The following HNRNPR variants were observed in gnomAD, a reference collection of about 807,000 sequenced individuals.
HNRNPR encodes the protein heterogeneous nuclear ribonucleoprotein R.
HNRNPR carries 4 observed loss-of-function variants against 70.3 expected under a neutral mutation model. That is an observed-to-expected ratio of 0.06 (90% CI 0.03 to 0.13). The LOEUF is 0.13. Ranked by LOEUF, HNRNPR falls within the 10% of genes least tolerant of loss-of-function variation. HNRNPR has a pLI of 1.00. For synonymous variants in HNRNPR, 241 were observed against 267.6 expected (o/e 0.90, Z 0.97); for missense variants, 423 against 788.5 (o/e 0.54, Z 5.55).
intron 2 of HNRNPR, among the ~76,000 whole-genome samples, chr1:23,339,428 T>C (rs1439780825): frequency 6.6e-6 from 1 of 152,236 alleles, no homozygotes; most frequent in African/African-American, 2.4e-5. Context: ...ATTTCATATA[T>C]GTAAGTATAT....
intron 1 of HNRNPR, among the ~76,000 whole-genome samples, chr1:23,342,753 C>T (rs686717): frequency 0.06 from 9,085 of 152,166 alleles, 893 homozygotes; most frequent in African/African-American, 0.21. Flanking sequence ...GGAATACTAT[C>T]AGTCACAGAA....
chr1:23,332,263 TACTC>T (rs1166504339), intron 5 of HNRNPR, among the ~76,000 whole-genome samples: 1 of 152,202 alleles, frequency 6.6e-6, no homozygotes, highest in Non-Finnish European at 1.5e-5. Flanking sequence ...TGGACTAACA[TACTC>T]AATCTTTTAT....
chr1:23,332,485 C>A (rs1342882250), intron 5 of HNRNPR, among the ~76,000 whole-genome samples: 4 of 149,684 alleles, frequency 2.7e-5, no homozygotes, highest in African/African-American at 9.8e-5. Flanking sequence ...GGTGGATCAC[C>A]TGAGGTCATG....
At chr1:23,315,875 A>C (rs932857640) in intron 8 of HNRNPR, among the ~76,000 whole-genome samples, 3 of 152,182 alleles carry the variant, frequency 2.0e-5, no homozygotes, top group Admixed American at 2.0e-4. Context: ...TCCAGCCTCT[A>C]TGTTACACAG....
intron 5 of HNRNPR, among the ~76,000 whole-genome samples, chr1:23,331,405 T>TAAAA (rs59528152): frequency 7.9e-6 from 1 of 127,238 alleles, no homozygotes; most frequent in Non-Finnish European, 1.6e-5. Context: ...CACAAAAAAT[T>TAAAA]AAAAAAAAAA....
chr1:23,328,560 C>T (rs1193418953), intron 5 of HNRNPR, among the ~76,000 whole-genome samples: 1 of 152,154 alleles, frequency 6.6e-6, no homozygotes, highest in Non-Finnish European at 1.5e-5. Flanking sequence ...AGTGCAGTGG[C>T]GCCATCTCGG....
Position 23,311,004 on chromosome 1 carries a change from C to T in HNRNPR, c.1352G>A (p.Arg451His), listed in dbSNP as rs773384635. Residue 451 changes from arginine (R) to histidine (H), a missense_variant, in exon 11 of 11, where the codon CGT becomes CAT. By Grantham distance (29) the Arg-to-His change is conservative (BLOSUM62 0). This residue lies in a region of HNRNPR where 169 missense variants were observed against 195.6 expected (regional missense o/e 0.86). Transcript: ENST00000302271. ...RMPPPIRGRG[R>H]GGGRGGYGYP... ...GCCATATCCACCTCTCCCCCCACCA[C>T]GACCCCGACCTCTAATTGGAGGTGG... 5 of 1,614,028 alleles carry T rather than the reference C, an allele frequency of 3.1e-6. No individual in the cohort carries two copies. The highest frequency in any genetic ancestry group is 2.2e-5 in the South Asian group (2 of 91,082).
Position 23,333,406 on chromosome 1 carries a change from G to A in HNRNPR, c.498+112C>T, listed in dbSNP as rs555783840. 594 of 615,192 alleles carry A rather than the reference G, an allele frequency of 9.7e-4. 1 individual carries two copies. The highest frequency in any genetic ancestry group is 9.2e-3 in the African/African-American group (504 of 54,910). The allele number at this position is 615,192 out of a possible 1,614,324, so 38.1% of individuals were successfully genotyped here. A position where few individuals can be genotyped will look rare whatever the true frequency, so the allele number is the denominator to read the frequency against. Reference sequence around the variant, plus strand: ...AATGGATATCTAAAAACTAACAACAGCTACACTTTGAAAGGGATCAAGAAT... The same window carrying A: ...AATGGATATCTAAAAACTAACAACAACTACACTTTGAAAGGGATCAAGAAT... On this transcript the variant is annotated intron_variant, in intron 5 of 10. Transcript: ENST00000302271.
Position 23,310,564 on chromosome 1 carries a change from G to C in HNRNPR, c.1792C>G (p.Pro598Ala). ...TGCTGAAGCGGCTGCTGAGCGATGGGTTGGGAACCCCAGTTCTGTTGGTTG... is the reference window on the plus strand; with the variant it reads ...TGCTGAAGCGGCTGCTGAGCGATGGCTTGGGAACCCCAGTTCTGTTGGTTG... ...TNNQQNWGSQ[P>A]IAQQPLQQGG... Residue 598 changes from proline to alanine, a missense_variant, in exon 11 of 11, where the codon CCC (proline) becomes GCC (alanine). By Grantham distance (27) the Pro-to-Ala change is conservative. Coordinates refer to ENST00000302271, the MANE Select transcript of HNRNPR (RefSeq NM_005826.5). The surrounding 1 kb of genome is among the most constrained non-coding windows in gnomAD (Gnocchi z 6.0). The C allele has an allele frequency of 6.2e-7, 1 of 1,614,206 alleles. No individual in the cohort carries two copies. The highest frequency in any genetic ancestry group is 8.5e-7 in the Non-Finnish European group (1 of 1,180,044).
chr1:23,314,946 A>C (rs1025065888), intron 8 of HNRNPR, among the ~76,000 whole-genome samples: 1 of 152,190 alleles, frequency 6.6e-6, no homozygotes, highest in Non-Finnish European at 1.5e-5. Context: ...TAAATACACT[A>C]TAGTACCTCC....
intron 3 of HNRNPR, 67 bp downstream of exon 3, chr1:23,338,423 A>C: frequency 6.1e-6 from 4 of 652,672 alleles, no homozygotes; most frequent in Non-Finnish European, 1.0e-5. Flanking sequence ...TCCATAGGAA[A>C]AAAAGTAATA....
intron 5 of HNRNPR, among the ~76,000 whole-genome samples, chr1:23,331,226 T>G (rs1646207829): frequency 6.6e-6 from 1 of 152,048 alleles, no homozygotes; most frequent in Non-Finnish European, 1.5e-5. Flanking sequence ...CGTATGTGTT[T>G]TACAATTAAC....
At position 23,323,015 on chromosome 1, in the gene HNRNPR, T is replaced by C. The variant is rs192839765; in HGVS notation, c.675+541A>G. On this transcript the variant is annotated intron_variant, in intron 6 of 10. Transcript: ENST00000302271. ...TAAATAGTAGGAGAGGAGAGAAAGA[T>C]TAAAGACAGAGAAGACTCAAGGGCC... Among the ~76,000 whole-genome samples the C allele has an allele frequency of 1.8e-4, 28 of 152,124 alleles. No homozygotes were observed. In the East Asian group the frequency reaches 5.2e-3, roughly 28 times the overall value.
rs1009793815 is a variant in HNRNPR at position 23,318,961 on chromosome 1, C to A, written c.812-273G>T. ...TTTAACATGCTACAATGTTTTAGAGCGTTTGATATAACATGACTTTATTAA... is the reference window on the plus strand; with the variant it reads ...TTTAACATGCTACAATGTTTTAGAGAGTTTGATATAACATGACTTTATTAA... On this transcript the variant is annotated intron_variant, in intron 7 of 10. Transcript: ENST00000302271. This position sits in a 1 kb window ranked among gnomAD's most constrained non-coding sequence, Gnocchi z 4.2. Among the ~76,000 whole-genome samples, 5 of 152,090 alleles carry A rather than the reference C, an allele frequency of 3.3e-5. No individual in the cohort carries two copies. Among genetic ancestry groups the A allele is most frequent in the Non-Finnish European group, 5.9e-5 (4 of 68,020 alleles).
intron 4 of HNRNPR, among the ~76,000 whole-genome samples, chr1:23,334,588 G>C (rs924493627): frequency 6.6e-6 from 1 of 152,072 alleles, no homozygotes; most frequent in Non-Finnish European, 1.5e-5. Flanking sequence ...TGATCCTTCT[G>C]GTTTGTACTC....
At chr1:23,324,412 CA>C in intron 5 of HNRNPR, among the ~76,000 whole-genome samples, 1 of 151,996 alleles carries the variant, frequency 6.6e-6, no homozygotes, top group African/African-American at 2.4e-5. Context: ...ACTAAAAATA[CA>C]AAAAATTCTC....
At chr1:23,327,692 A>ATAAC (rs528010056) in intron 5 of HNRNPR, among the ~76,000 whole-genome samples, 2 of 132,530 alleles carry the variant, frequency 1.5e-5, no homozygotes, top group Admixed American at 1.4e-4. Context: ...TCTGTCTTAA[A>ATAAC]TAAATAAATA....
At chr1:23,342,639 A>C in intron 1 of HNRNPR, among the ~76,000 whole-genome samples, 1 of 152,294 alleles carries the variant, frequency 6.6e-6, no homozygotes, top group East Asian at 1.9e-4. Context: ...CCTTGCGAAC[A>C]TAAGGTTCTG....
intron 6 of HNRNPR, among the ~76,000 whole-genome samples, chr1:23,322,031 T>C (rs915976534): frequency 2.6e-5 from 4 of 152,150 alleles, no homozygotes; most frequent in Non-Finnish European, 5.9e-5. Context: ...AGGTAAGCCA[T>C]ACTCAAAATA....
Sources: gnomAD v4.1 joint callset for allele counts (sites outside exome capture counted in the v4.1 genomes callset) on GRCh38, gnomAD v4.1.1 for gene constraint, gnomAD v4.1.1 regional missense constraint, Gnocchi (gnomAD v3.1) non-coding constraint, MANE v1.5 for transcripts, NCBI Gene and HGNC (gene_info 2026-07-23, HGNC 2026-07-21) for gene names.